Variants in KNTC1 observed in about 807,000 individuals in gnomAD.
The protein encoded by KNTC1 is kinetochore associated 1.
KNTC1 carries 253 observed loss-of-function variants against 314.4 expected under a neutral mutation model. That is an observed-to-expected ratio of 0.80 (90% CI 0.73 to 0.89). KNTC1 has a LOEUF of 0.89. Among genes scored for constraint, KNTC1 ranks in the 40% least tolerant of loss-of-function variants. The probability of loss-of-function intolerance (pLI) is 0.00; values close to 1 mark genes in which losing one functional copy is unlikely to be tolerated. For synonymous variants in KNTC1, 901 were observed against 901.4 expected, an observed-to-expected ratio of 1.00 and a Z score of 0.01; for missense variants, 2,475 against 2,572.9, an observed-to-expected ratio of 0.96 and a Z score of 0.82.
intron 42 of KNTC1, chr12:122,594,016 CTGG>C (rs1870689682): frequency 7.1e-6 from 3 of 421,872 alleles, no homozygotes; most frequent in African/African-American, 4.0e-5. Context: ...AGTAATGGAA[CTGG>C]TGTTCTGTTG....
At chr12:122,583,639 A>G (rs1209274091) in intron 34 of KNTC1, among the ~76,000 whole-genome samples, 1 of 152,128 alleles carries the variant, frequency 6.6e-6, no homozygotes, top group Non-Finnish European at 1.5e-5. Context: ...CAGCCTGGCC[A>G]ACACAGTGAA....
chr12:122,577,108 C>T lies in KNTC1; in HGVS notation c.2721+79C>T, dbSNP rs1326208057. 6.2e-6 allele frequency: 7 copies of T among 1,129,892 alleles called. No homozygotes were observed. The African/African-American group carries it at 6.5e-5, about 10-fold the overall frequency. 70.0% of individuals were successfully genotyped at this position (1,129,892 alleles called of 1,614,324 possible). A position where few individuals can be genotyped will look rare whatever the true frequency, so the allele number is the denominator to read the frequency against. ...GTTGTTGTTTTTTGAGACAGGGTCT[C>T]GCTCCATTGCCCAGGCTGGAGTGCA... On this transcript the variant is annotated intron_variant, in intron 30 of 63. Transcript: ENST00000333479.
intron 48 of KNTC1, 27 bp from the exon 49 acceptor site, chr12:122,604,537 A>G: frequency 9.4e-7 from 1 of 1,059,144 alleles, no homozygotes; most frequent in Non-Finnish European, 1.4e-6. Flanking sequence ...GTAAATCTTT[A>G]TTTATTTATT....
chr12:122,579,401 C>G (rs1269874069), intron 31 of KNTC1, among the ~76,000 whole-genome samples: 1 of 152,004 alleles, frequency 6.6e-6, no homozygotes, highest in Non-Finnish European at 1.5e-5. Flanking sequence ...TGAATTGCTC[C>G]CGTTATGAAA....
rs966574653 is a variant in KNTC1 at position 122,604,934 on chromosome 12, C to T, written c.5233C>T (p.Arg1745Ter). 5 of 1,610,612 alleles carry T rather than the reference C, an allele frequency of 3.1e-6. No individual in the cohort carries two copies. The highest frequency in any genetic ancestry group is 2.2e-5 in the East Asian group (1 of 44,820). The change falls in exon 50 of 64, where the codon CGA becomes TGA. Residue 1745 changes from arginine to a stop codon, truncating the protein, a stop_gained. Coordinates refer to ENST00000333479, the MANE Select transcript of KNTC1 (RefSeq NM_014708.6). LOFTEE classifies it high-confidence loss of function. Reference sequence around the variant, plus strand: ...GAAGAAGCTTCATATCCAGTACCGGCGATCGGGCACAGAAGCTGTGCTCAT... The same window carrying T: ...GAAGAAGCTTCATATCCAGTACCGGTGATCGGGCACAGAAGCTGTGCTCAT... ...LLKKLHIQYR[R>*]SGTEAVLIAH...
At chr12:122,621,852 C>A in intron 60 of KNTC1, 29 bp from the exon 61 acceptor site, 1 of 1,399,814 alleles carries the variant, frequency 7.1e-7, no homozygotes, top group Non-Finnish European at 9.9e-7. Flanking sequence ...TAACAATTTT[C>A]TATTAATTCT....
At chr12:122,594,486 C>T (rs1870760862) in intron 43 of KNTC1, 101 bp downstream of exon 43, 1 of 708,992 alleles carries the variant, frequency 1.4e-6, no homozygotes, top group Non-Finnish European at 2.5e-6. Context: ...GGTCCATAGA[C>T]CACTATTTTC....
chr12:122,615,136 C>A, intron 56 of KNTC1, 50 bp downstream of exon 56: 1 of 1,277,798 alleles, frequency 7.8e-7, no homozygotes, highest in Non-Finnish European at 1.1e-6. Context: ...AGCTTTTGCA[C>A]AGCATCCCCT....
rs749486455 is a variant in KNTC1 at position 122,530,130 on chromosome 12, A to C, written c.67A>C (p.Arg23=). Residue 23 remains arginine (R), a synonymous_variant, in exon 2 of 64, where the codon AGA becomes CGA. Coordinates refer to ENST00000333479, the MANE Select transcript of KNTC1 (RefSeq NM_014708.6). ...TGSGYLSVGS[R]KEHGTALYQV... Reference sequence around the variant, plus strand: ...AAGTGGGTACCTGAGTGTCGGTTCAAGAAAAGAACATGGAACTGCTTTATA... The same window carrying C: ...AAGTGGGTACCTGAGTGTCGGTTCACGAAAAGAACATGGAACTGCTTTATA... 1.2e-6 allele frequency: 2 copies of C among 1,613,822 alleles called. No homozygotes were observed. Among genetic ancestry groups the C allele is most frequent in the South Asian group, 2.2e-5 (2 of 91,078 alleles).
intron 18 of KNTC1, among the ~76,000 whole-genome samples, chr12:122,560,918 C>T (rs1229348228): frequency 1.3e-5 from 2 of 152,166 alleles, no homozygotes; most frequent in African/African-American, 4.8e-5. Flanking sequence ...GGGCCAAGCA[C>T]AGTGGCTGTA....
chr12:122,609,576 C>T (rs1022728605), intron 52 of KNTC1, 146 bp downstream of exon 52: 48 of 578,030 alleles, frequency 8.3e-5, no homozygotes, highest in Middle Eastern at 7.5e-4. Flanking sequence ...TTCACTAATA[C>T]GTGGCTAGGA....
chr12:122,570,921 T>C lies in KNTC1; in HGVS notation c.1906T>C (p.Leu636=). 6.4e-7 allele frequency: 1 copy of C among 1,570,724 alleles called. No individual in the cohort carries two copies. Among genetic ancestry groups the C allele is most frequent in the South Asian group, 1.2e-5 (1 of 86,500 alleles). The change falls in exon 23 of 64, where the codon TTA becomes CTA. Residue 636 remains leucine, a synonymous_variant. Coordinates refer to ENST00000333479, the MANE Select transcript of KNTC1 (RefSeq NM_014708.6). The part of the protein sequence containing the change: ...WLEQAARNLE[L]TDKANWPENG... ...GGAACAAGCAGCCAGGAACCTTGAA[T>C]TAACTGATAAGGTAATACTGATTTA...
At chr12:122,553,471 G>A (rs988128442) in intron 16 of KNTC1, among the ~76,000 whole-genome samples, 2 of 152,130 alleles carry the variant, frequency 1.3e-5, no homozygotes, top group Non-Finnish European at 2.9e-5. Flanking sequence ...ACTGCAATAA[G>A]ATTGGCCTGT....
Position 122,613,557 on chromosome 12 carries a change from T to C in KNTC1, c.5742-69T>C, listed in dbSNP as rs1593682852. ...AACAAACTGGCCTAATATTTCCATA[T>C]GGTAGTTTTTATTTTAAATGTAAAT... On this transcript the variant is annotated intron_variant, in intron 54 of 63. Coordinates refer to ENST00000333479, the MANE Select transcript of KNTC1 (RefSeq NM_014708.6). 5 of 1,409,178 alleles carry C rather than the reference T, an allele frequency of 3.5e-6. No individual in the cohort carries two copies. The East Asian group carries it at 1.2e-4, about 34-fold the overall frequency. 87.3% of individuals were successfully genotyped at this position (1,409,178 alleles called of 1,614,324 possible).
At chr12:122,557,339 A>G (rs1388394656) in intron 16 of KNTC1, 45 bp from the exon 17 acceptor site, 2 of 1,580,550 alleles carry the variant, frequency 1.3e-6, no homozygotes, top group Non-Finnish European at 1.7e-6. Context: ...ATCCACAGGT[A>G]TTATTGTACT....
At chr12:122,588,384 A>G (rs1412759097) in intron 39 of KNTC1, among the ~76,000 whole-genome samples, 1 of 152,200 alleles carries the variant, frequency 6.6e-6, no homozygotes, top group African/African-American at 2.4e-5. Context: ...CTTCATTTCT[A>G]CTACTCTGTT....
intron 45 of KNTC1, among the ~76,000 whole-genome samples, chr12:122,602,237 C>G (rs551577591): frequency 6.6e-6 from 1 of 152,014 alleles, no homozygotes; most frequent in Non-Finnish European, 1.5e-5. Flanking sequence ...GAATTTAGAT[C>G]TGTAGCCTCT....
In KNTC1 at chr12:122,551,530, T is replaced by G. The variant is rs1187898731; in HGVS notation, c.1196+7T>G. 2 of 1,607,884 alleles carry G rather than the reference T, an allele frequency of 1.2e-6. No homozygotes were observed. The highest frequency in any genetic ancestry group is 1.7e-6 in the Non-Finnish European group (2 of 1,175,910). ...AAGCTTTACCAGAAAACAGGTAACT[T>G]CTCATTTTTTTTTAAGCTTTATCCT... is the stretch of plus-strand genomic sequence containing the variant. On this transcript the variant is annotated splice_region_variant and intron_variant, in intron 15 of 63. Coordinates refer to ENST00000333479, the MANE Select transcript of KNTC1 (RefSeq NM_014708.6).
intron 12 of KNTC1, among the ~76,000 whole-genome samples, chr12:122,548,721 G>A (rs1260214130): frequency 9.2e-5 from 14 of 151,926 alleles, no homozygotes; most frequent in African/African-American, 1.2e-4. Flanking sequence ...TAATCCTAGC[G>A]CTTTGGGAGG....
Sources: gnomAD v4.1 joint callset for allele counts (sites outside exome capture counted in the v4.1 genomes callset) on GRCh38, gnomAD v4.1.1 for gene constraint, MANE v1.5 for transcripts, NCBI Gene and HGNC (gene_info 2026-07-23, HGNC 2026-07-21) for gene names.